ASPH: variants seen among roughly 807,000 people sequenced by gnomAD.
The protein encoded by ASPH is aspartyl/asparaginyl beta-hydroxylase.
A neutral mutation model predicts 118.4 loss-of-function variants in ASPH; 100 were observed. That is an observed-to-expected ratio of 0.84 (90% CI 0.72 to 1.00). The LOEUF (loss-of-function observed/expected upper bound fraction) is 1.00, where lower values mean the gene tolerates loss of function less well. ASPH is among the 50% of genes least tolerant of loss of function. ASPH has a pLI of 0.00. For missense variants in ASPH, 920 were observed against 919.5 expected, an observed-to-expected ratio of 1.00 and a Z score of -0.01; for synonymous variants, 315 against 325.6, an observed-to-expected ratio of 0.97 and a Z score of 0.35.
chr8:61,660,187 T>A (rs1177909476), intron 3 of ASPH: 1 of 152,188 alleles, frequency 6.6e-6, no homozygotes, highest in Non-Finnish European at 1.5e-5. Flanking sequence ...GTCTCCTGTT[T>A]CCATCTTTAT....
intron 22 of ASPH, among the ~76,000 whole-genome samples, chr8:61,519,680 G>GGAA (rs1812249799): frequency 6.6e-6 from 1 of 151,456 alleles, no homozygotes; most frequent in South Asian, 2.1e-4. Flanking sequence ...AAATGTGGGA[G>GGAA]GAGGCAGATG....
intron 16 of ASPH, among the ~76,000 whole-genome samples, 171 bp from the exon 17 acceptor site, chr8:61,567,489 A>G (rs1237536958): frequency 6.6e-6 from 1 of 152,240 alleles, no homozygotes; most frequent in Non-Finnish European, 1.5e-5. Flanking sequence ...TAGAAAATCA[A>G]CACACTATTT....
At chr8:61,563,087 G>A (rs780501402) in intron 17 of ASPH, among the ~76,000 whole-genome samples, 8 of 151,514 alleles carry the variant, frequency 5.3e-5, no homozygotes, top group Admixed American at 2.0e-4. Context: ...TACTGAATAT[G>A]GTATTGATTA....
rs753508528 is a variant in ASPH, at chr8:61,653,678, C to T, written c.323-18G>A. 22 of 1,609,942 alleles carry T rather than the reference C, an allele frequency of 1.4e-5. No homozygotes were observed. In the Middle Eastern group the frequency reaches 5.2e-4, roughly 38 times the overall value. On this transcript the variant is annotated intron_variant, in intron 3 of 24. Transcript: ENST00000379454. ...TTTAAGTCCTGCATTTTTTTATTCA[C>T]AAAGTTAACTTGAGTTTTTGTGGGG...
At chr8:61,544,468 T>C (rs1332217956) in intron 21 of ASPH, among the ~76,000 whole-genome samples, 1 of 152,172 alleles carries the variant, frequency 6.6e-6, no homozygotes, top group Non-Finnish European at 1.5e-5. Flanking sequence ...TCTTAAGCAG[T>C]AACAATTTCA....
At chr8:61,706,170 C>T (rs1434027201) in intron 1 of ASPH, among the ~76,000 whole-genome samples, 1 of 151,002 alleles carries the variant, frequency 6.6e-6, no homozygotes, top group Non-Finnish European at 1.5e-5. Flanking sequence ...CACCTGTAAT[C>T]CCAGCACTTT....
At chr8:61,508,467 G>A (rs1807503420) in intron 24 of ASPH, among the ~76,000 whole-genome samples, 1 of 152,074 alleles carries the variant, frequency 6.6e-6, no homozygotes, top group Admixed American at 6.6e-5. Flanking sequence ...TGATAAAATG[G>A]TGGCAGTGCA....
intron 24 of ASPH, among the ~76,000 whole-genome samples, chr8:61,509,335 T>C (rs990957542): frequency 6.6e-6 from 1 of 152,244 alleles, no homozygotes; most frequent in African/African-American, 2.4e-5. Context: ...TGCCCATTTC[T>C]ATGGTTATTT....
chr8:61,660,521 C>G (rs1322532217), intron 3 of ASPH: 1 of 152,154 alleles, frequency 6.6e-6, no homozygotes, highest in Non-Finnish European at 1.5e-5. Context: ...GATGAGCACA[C>G]GAGACTCTGC....
At chr8:61,560,312 C>A (rs1294052290) in intron 18 of ASPH, among the ~76,000 whole-genome samples, 1 of 152,104 alleles carries the variant, frequency 6.6e-6, no homozygotes, top group African/African-American at 2.4e-5. Flanking sequence ...CAGACTGGAG[C>A]AAATGATGTC....
chr8:61,570,593 T>A (rs1833193562), intron 16 of ASPH, among the ~76,000 whole-genome samples: 1 of 152,212 alleles, frequency 6.6e-6, no homozygotes, highest in South Asian at 2.1e-4. Flanking sequence ...CATTTACAAC[T>A]TGCAGAATTG....
At chr8:61,577,073 A>G (rs944295550) in intron 15 of ASPH, among the ~76,000 whole-genome samples, 2 of 152,092 alleles carry the variant, frequency 1.3e-5, no homozygotes, top group Non-Finnish European at 2.9e-5. Flanking sequence ...AAAAGACAGA[A>G]GGACAGAAAA....
intron 1 of ASPH, among the ~76,000 whole-genome samples, chr8:61,703,783 T>G (rs1009873350): frequency 6.6e-6 from 1 of 152,144 alleles, no homozygotes; most frequent in African/African-American, 2.4e-5. Flanking sequence ...CTAAAATGTA[T>G]ATGGATACAC....
rs145096584 is a variant in ASPH at position 61,699,352 on chromosome 8, A to G, written c.103+14917T>C. Among the ~76,000 whole-genome samples the G allele has an allele frequency of 4.4e-3, 668 of 152,324 alleles. 3 individuals carry two copies. Among genetic ancestry groups the G allele is most frequent in the Non-Finnish European group, 6.9e-3 (468 of 68,036 alleles). On this transcript the variant is annotated intron_variant, in intron 1 of 24. Transcript: ENST00000379454. The stretch of plus-strand genomic sequence containing the variant: ...GTAGAATAGTGAATCTCATATTTCA[A>G]TCTACTTGGTAAGGTACAAATATTT...
At chr8:61,689,547 A>C in intron 1 of ASPH, 1 of 883,886 alleles carries the variant, frequency 1.1e-6, no homozygotes, top group Non-Finnish European at 1.7e-6. Context: ...AGTTCAAAAT[A>C]GAAAATGTAG....
intron 15 of ASPH, among the ~76,000 whole-genome samples, chr8:61,580,941 G>C (rs1422696430): frequency 6.6e-6 from 1 of 152,158 alleles, no homozygotes; most frequent in African/African-American, 2.4e-5. Flanking sequence ...TTTCAGCCTA[G>C]TATGCACCCC....
At chr8:61,669,837 G>A (rs781037269) in intron 3 of ASPH, among the ~76,000 whole-genome samples, 1 of 152,106 alleles carries the variant, frequency 6.6e-6, no homozygotes, top group African/African-American at 2.4e-5. Context: ...AGAGCTATAT[G>A]GATGAAAAGA....
rs111592825 is a variant in ASPH, at chr8:61,637,411, G to A, written c.889+536C>T. Among the ~76,000 whole-genome samples, 620 of 152,198 alleles carry A rather than the reference G, an allele frequency of 4.1e-3. 6 individuals are homozygous for A. The highest frequency in any genetic ancestry group is 0.014 in the African/African-American group (570 of 41,496). On this transcript the variant is annotated intron_variant, in intron 12 of 24. Coordinates refer to ENST00000379454, the MANE Select transcript of ASPH (RefSeq NM_004318.4). ...ACGAGGAGCAACTGAAATAATATAT[G>A]TGAAATAACTGTAAAATGCTAACTA...
At chr8:61,586,676 GTTACC>G (rs891282360) in intron 14 of ASPH, among the ~76,000 whole-genome samples, 22 of 152,262 alleles carry the variant, frequency 1.4e-4, no homozygotes, top group African/African-American at 5.1e-4. Flanking sequence ...AAAAGGGTTA[GTTACC>G]TTGACCCCTC....
Sources: gnomAD v4.1 joint callset for allele counts (sites outside exome capture counted in the v4.1 genomes callset) on GRCh38, gnomAD v4.1.1 for gene constraint, MANE v1.5 for transcripts, NCBI Gene and HGNC (gene_info 2026-07-23, HGNC 2026-07-21) for gene names.